SORCS2: variants seen among roughly 807,000 people sequenced by gnomAD.
The protein encoded by SORCS2 is VPS10 domain-containing receptor SorCS2.
Under a neutral mutation model 141.6 loss-of-function variants are expected in SORCS2, and 100 were observed. That is an observed-to-expected ratio of 0.71 (90% CI 0.60 to 0.83). The LOEUF (loss-of-function observed/expected upper bound fraction) is 0.83. SORCS2 is among the 40% of genes least tolerant of loss of function. The pLI is 0.00. For missense variants in SORCS2, 1,646 were observed against 1,560.2 expected (o/e 1.05, Z -0.93); for synonymous variants, 789 against 676.9 (o/e 1.17, Z -2.57).
Position 7,676,923 on chromosome 4 carries a change from CCTCTCTCCCTCT to C in SORCS2, c.1341+698_1341+709del, listed in dbSNP as rs1484125946. The stretch of plus-strand genomic sequence containing the variant: ...CTCTCTCTCCCTCTCTCCCTCTCTC[CCTCTCTCCCTCT>C]CTCCCTCTCTCCCTCTGCCTTCCTC... On this transcript the variant is annotated intron_variant, in intron 9 of 26. Transcript: ENST00000507866. Among the ~76,000 whole-genome samples, 58 of 35,914 alleles carry C rather than the reference CCTCTCTCCCTCT, an allele frequency of 1.6e-3. 2 individuals are homozygous for C. The highest frequency in any genetic ancestry group is 5.4e-3 in the African/African-American group (56 of 10,426). 23.6% of individuals were successfully genotyped at this position (35,914 alleles called of 152,430 possible).
At chr4:7,307,577 C>T (rs753516410) in intron 1 of SORCS2, among the ~76,000 whole-genome samples, 1 of 152,226 alleles carries the variant, frequency 6.6e-6, no homozygotes, top group East Asian at 1.9e-4. Context: ...CCATGCCTGT[C>T]GAGCTTGGCA....
chr4:7,246,780 C>T (rs577527919), intron 1 of SORCS2, among the ~76,000 whole-genome samples: 10 of 152,286 alleles, frequency 6.6e-5, no homozygotes, highest in South Asian at 6.2e-4. Context: ...TGTGAGCGTG[C>T]GCTTTGGATG....
chr4:7,601,803 C>T (rs960414283), intron 3 of SORCS2, among the ~76,000 whole-genome samples: 2 of 151,960 alleles, frequency 1.3e-5, no homozygotes, highest in South Asian at 4.2e-4. Context: ...TTTTCCTAGG[C>T]GGAGGACCCT....
chr4:7,369,963 T>G (rs1336053055), intron 1 of SORCS2, among the ~76,000 whole-genome samples: 21 of 152,192 alleles, frequency 1.4e-4, no homozygotes, highest in Non-Finnish European at 2.9e-5. Flanking sequence ...TGTGTGACCT[T>G]GGGTAGGTTA....
chr4:7,357,863 A>G (rs1388960615), intron 1 of SORCS2, among the ~76,000 whole-genome samples: 1 of 151,648 alleles, frequency 6.6e-6, no homozygotes, highest in East Asian at 1.9e-4. Context: ...TTCTGTGCAC[A>G]CTCCAGTCTG....
intron 1 of SORCS2, among the ~76,000 whole-genome samples, chr4:7,337,408 C>T (rs913565319): frequency 3.3e-5 from 5 of 152,156 alleles, no homozygotes; most frequent in Non-Finnish European, 5.9e-5. Flanking sequence ...CGCACTGGAT[C>T]AGGAGGCCTT....
At chr4:7,480,076 C>T (rs13138627) in intron 2 of SORCS2, among the ~76,000 whole-genome samples, 11,373 of 152,272 alleles carry the variant, frequency 0.075, 691 homozygotes, top group South Asian at 0.25. Context: ...CTGAACTCCT[C>T]CTTTGGGCAG....
At chr4:7,244,448 C>T (rs1712940559) in intron 1 of SORCS2, among the ~76,000 whole-genome samples, 2 of 152,262 alleles carry the variant, frequency 1.3e-5, no homozygotes, top group African/African-American at 4.8e-5. Context: ...TTCGCCACCA[C>T]ACCCGCTGCT....
chr4:7,307,363 G>A (rs1276018835), intron 1 of SORCS2, among the ~76,000 whole-genome samples: 2 of 152,348 alleles, frequency 1.3e-5, no homozygotes, highest in African/African-American at 4.8e-5. Flanking sequence ...AAGAAGAAAA[G>A]CAGCCCCTTG....
chr4:7,638,421 T>C lies in SORCS2; in HGVS notation c.742T>C (p.Phe248Leu), dbSNP rs1356907652. Residue 248 changes from phenylalanine to leucine, a missense_variant, in exon 4 of 27, where the codon TTC (phenylalanine) becomes CTC (leucine). Transcript: ENST00000507866. ...GATFQKQPIP[F>L]FVETLIFHPK... is the part of the protein sequence containing the mutation. ...CACCTTTCAGAAGCAGCCCATTCCC[T>C]TCTTCGTGGAAACTCTGATTTTCCA... 1 of 1,604,184 alleles carries C rather than the reference T, an allele frequency of 6.2e-7. No homozygotes were observed. Among genetic ancestry groups the C allele is most frequent in the East Asian group, 2.3e-5 (1 of 44,410 alleles).
intron 3 of SORCS2, among the ~76,000 whole-genome samples, chr4:7,615,064 C>T (rs554335880): frequency 1.3e-5 from 2 of 152,278 alleles, no homozygotes; most frequent in African/African-American, 4.8e-5. Flanking sequence ...CACCCATCCA[C>T]CATCTCTCTG....
chr4:7,357,485 G>A (rs1001143666), intron 1 of SORCS2, among the ~76,000 whole-genome samples: 4 of 152,204 alleles, frequency 2.6e-5, no homozygotes, highest in African/African-American at 7.2e-5. Context: ...AGATGGAGGC[G>A]TCTGCTAATG....
intron 2 of SORCS2, among the ~76,000 whole-genome samples, chr4:7,448,070 G>A (rs1198600949): frequency 6.6e-6 from 1 of 152,158 alleles, no homozygotes; most frequent in Non-Finnish European, 1.5e-5. Context: ...CCTGTGTTAC[G>A]TCCAGGAAAC....
intron 1 of SORCS2, among the ~76,000 whole-genome samples, chr4:7,293,752 C>T (rs958118574): frequency 1.3e-5 from 2 of 152,196 alleles, no homozygotes; most frequent in East Asian, 1.9e-4. Context: ...TGGTGCCCAG[C>T]GATGTGCAGC....
At chr4:7,323,479 C>T (rs892060982) in intron 1 of SORCS2, among the ~76,000 whole-genome samples, 7 of 152,102 alleles carry the variant, frequency 4.6e-5, no homozygotes, top group Non-Finnish European at 7.4e-5. Flanking sequence ...CTGAGGAGAC[C>T]ACGTTCAGAC....
chr4:7,257,888 A>T (rs1714014730), intron 1 of SORCS2, among the ~76,000 whole-genome samples: 1 of 152,102 alleles, frequency 6.6e-6, no homozygotes, highest in African/African-American at 2.4e-5. Context: ...GAAGGCGAGG[A>T]TGGGGGATGG....
intron 3 of SORCS2, among the ~76,000 whole-genome samples, chr4:7,539,419 C>T (rs555077055): frequency 3.0e-3 from 455 of 152,324 alleles, no homozygotes; most frequent in African/African-American, 0.01. Context: ...TGCCCATGTC[C>T]GCTTCCTGTG....
Position 7,484,200 on chromosome 4 carries a change from G to A in SORCS2, c.549-47330G>A, listed in dbSNP as rs78810810. Among the ~76,000 whole-genome samples the A allele has an allele frequency of 9.9e-4, 150 of 152,278 alleles. 1 individual carries two copies. The East Asian group carries it at 0.025, about 26-fold the overall frequency. On this transcript the variant is annotated intron_variant, in intron 2 of 26. Transcript: ENST00000507866. ...TCTCAAAAACCTTCCCACAGCTCGC[G>A]TCCCTGCGCCGGCAGATCGCCGCTG...
At chr4:7,291,295 G>C (rs557329624) in intron 1 of SORCS2, among the ~76,000 whole-genome samples, 28 of 152,270 alleles carry the variant, frequency 1.8e-4, no homozygotes, top group African/African-American at 6.5e-4. Context: ...GGGTGTGGTC[G>C]TTTGCTTTTC....
Sources: allele counts gnomAD v4.1 joint callset (sites outside exome capture counted in the v4.1 genomes callset), GRCh38; gene constraint gnomAD v4.1.1; transcripts MANE v1.5; gene names NCBI Gene and HGNC (gene_info 2026-07-23, HGNC 2026-07-21).